The following SGK3 variants were observed in gnomAD, a reference collection of about 807,000 sequenced individuals.
SGK3 encodes the protein serine/threonine-protein kinase Sgk3.
Under a neutral mutation model 68.5 loss-of-function variants are expected in SGK3, and 47 were observed. That is an observed-to-expected ratio of 0.69 (90% confidence interval 0.54 to 0.87). The LOEUF is 0.87. Ranked by LOEUF, SGK3 falls within the 40% of genes least tolerant of loss-of-function variation. The pLI is 0.00. For synonymous variants in SGK3, 181 were observed against 189.1 expected (o/e 0.96, Z 0.35); for missense variants, 479 against 575.5 (o/e 0.83, Z 1.72).
At chr8:66,773,435 C>T (rs1022612199) in intron 1 of SGK3, among the ~76,000 whole-genome samples, 7 of 152,084 alleles carry the variant, frequency 4.6e-5, no homozygotes, top group African/African-American at 1.7e-4. Context: ...TCTAAAACTC[C>T]CAGTGGTTCC....
At chr8:66,804,166 G>A (rs1045495040) in intron 3 of SGK3, among the ~76,000 whole-genome samples, 6 of 152,032 alleles carry the variant, frequency 3.9e-5, no homozygotes, top group Non-Finnish European at 5.9e-5. Flanking sequence ...TAGGTCACAC[G>A]ATACTAGGTA....
chr8:66,758,230 T>C (rs1290148675), intron 1 of SGK3, among the ~76,000 whole-genome samples: 5 of 151,802 alleles, frequency 3.3e-5, no homozygotes, highest in Admixed American at 6.6e-5. Context: ...GGTGGGTGCC[T>C]GTGATCTCAG....
chr8:66,797,019 C>T (rs1246584298), intron 2 of SGK3, among the ~76,000 whole-genome samples: 2 of 150,890 alleles, frequency 1.3e-5, no homozygotes, highest in African/African-American at 4.9e-5. Flanking sequence ...TTTATTAGTA[C>T]ATATTTAATA....
intron 1 of SGK3, among the ~76,000 whole-genome samples, chr8:66,776,322 C>A (rs1806712643): frequency 1.3e-5 from 2 of 152,224 alleles, no homozygotes; most frequent in African/African-American, 4.8e-5. Flanking sequence ...AATGTAGCCT[C>A]ATTTTAAGCA....
chr8:66,736,137 A>G (rs1242934213), intron 1 of SGK3, among the ~76,000 whole-genome samples: 1 of 152,228 alleles, frequency 6.6e-6, no homozygotes, highest in Admixed American at 6.5e-5. Context: ...TTCATCTATC[A>G]TGAGTTTCTT....
At chr8:66,733,206 G>A (rs1307056959) in intron 1 of SGK3, among the ~76,000 whole-genome samples, 1 of 152,138 alleles carries the variant, frequency 6.6e-6, no homozygotes, top group Non-Finnish European at 1.5e-5. Flanking sequence ...GGAGGAGGAA[G>A]CTGCAGTAGG....
At chr8:66,745,721 C>T (rs1051650983) in intron 1 of SGK3, among the ~76,000 whole-genome samples, 1 of 152,164 alleles carries the variant, frequency 6.6e-6, no homozygotes, top group African/African-American at 2.4e-5. Flanking sequence ...AAATTTATTT[C>T]TCACAGTTCT....
chr8:66,795,209 C>T (rs1807628746), intron 2 of SGK3, among the ~76,000 whole-genome samples: 1 of 152,194 alleles, frequency 6.6e-6, no homozygotes, highest in African/African-American at 2.4e-5. Flanking sequence ...ATGGTTTTCT[C>T]TCAAGGTCCC....
chr8:66,742,747 GT>G (rs1805519121), intron 1 of SGK3, among the ~76,000 whole-genome samples: 1 of 152,172 alleles, frequency 6.6e-6, no homozygotes, highest in South Asian at 2.1e-4. Flanking sequence ...CATCACTGCA[GT>G]TTGCTGGCAT....
At chr8:66,806,703 C>T (rs1309121648) in intron 4 of SGK3, among the ~76,000 whole-genome samples, 1 of 151,548 alleles carries the variant, frequency 6.6e-6, no homozygotes, top group East Asian at 1.9e-4. Flanking sequence ...GTCCCAGCTA[C>T]TCGGGAGGCT....
intron 2 of SGK3, among the ~76,000 whole-genome samples, chr8:66,794,993 G>C (rs1807618352): frequency 6.6e-6 from 1 of 152,180 alleles, no homozygotes; most frequent in South Asian, 2.1e-4. Flanking sequence ...CTTGGCCCTT[G>C]ATAGCTGTAG....
intron 1 of SGK3, among the ~76,000 whole-genome samples, chr8:66,747,061 C>CA (rs371821711): frequency 1.8e-4 from 26 of 143,388 alleles, no homozygotes; most frequent in South Asian, 1.1e-3. Flanking sequence ...TTTCTCATTT[C>CA]AAAAAAAAAA....
chr8:66,819,265 A>G (rs1015394717), intron 5 of SGK3, among the ~76,000 whole-genome samples: 4 of 152,206 alleles, frequency 2.6e-5, no homozygotes, highest in Admixed American at 2.0e-4. Flanking sequence ...ATGTTCATAT[A>G]CTGCTAGAAG....
At chr8:66,832,145 A>G (rs1809328037) in intron 8 of SGK3, among the ~76,000 whole-genome samples, 1 of 152,200 alleles carries the variant, frequency 6.6e-6, no homozygotes, top group Non-Finnish European at 1.5e-5. Flanking sequence ...TTGAGAAGGA[A>G]ACGAATGTGT....
intron 10 of SGK3, among the ~76,000 whole-genome samples, chr8:66,838,220 GA>G (rs1220843157): frequency 6.6e-6 from 1 of 152,032 alleles, no homozygotes; most frequent in East Asian, 1.9e-4. Context: ...CACGTGCCAT[GA>G]CGCCCAGCTA....
chr8:66,838,129 G>A (rs556744833), intron 10 of SGK3, among the ~76,000 whole-genome samples: 10 of 152,182 alleles, frequency 6.6e-5, no homozygotes, highest in East Asian at 3.9e-4. Flanking sequence ...GCAGTGGTGC[G>A]ATCTCAGCTC....
intron 1 of SGK3, among the ~76,000 whole-genome samples, chr8:66,721,853 C>A (rs1804803029): frequency 6.6e-6 from 1 of 152,112 alleles, no homozygotes; most frequent in Non-Finnish European, 1.5e-5. Flanking sequence ...AAAGTTCTAT[C>A]AGGCTTTAAA....
At chr8:66,760,192 C>G (rs1004638740) in intron 1 of SGK3, among the ~76,000 whole-genome samples, 1 of 151,254 alleles carries the variant, frequency 6.6e-6, no homozygotes, top group Admixed American at 6.6e-5. Context: ...TGGAGGAGAG[C>G]AGACGAGGTC....
At chr8:66,798,676 C>T (rs764406583) in intron 3 of SGK3, 51 bp downstream of exon 3, 2 of 1,493,774 alleles carry the variant, frequency 1.3e-6, no homozygotes, top group African/African-American at 1.4e-5. Flanking sequence ...CCCGAGAAAA[C>T]CCAAAATAAG....
Sources: allele counts gnomAD v4.1 joint callset (sites outside exome capture counted in the v4.1 genomes callset), GRCh38; gene constraint gnomAD v4.1.1; transcripts MANE v1.5; gene names NCBI Gene and HGNC (gene_info 2026-07-23, HGNC 2026-07-21).